PRKAR1B: variants seen among roughly 807,000 people sequenced by gnomAD.
The protein encoded by PRKAR1B is cAMP-dependent protein kinase type I-beta regulatory subunit.
A neutral mutation model predicts 46.5 loss-of-function variants in PRKAR1B; 22 were observed. The observed-to-expected ratio is 0.47, with a 90% CI of 0.34 to 0.68. PRKAR1B has a LOEUF of 0.68. Ranked by LOEUF, PRKAR1B falls within the 30% of genes least tolerant of loss-of-function variation. PRKAR1B has a pLI of 0.01. For missense variants in PRKAR1B, 445 were observed against 535.6 expected (o/e 0.83, Z 1.67); for synonymous variants, 259 against 217.7 (o/e 1.19, Z -1.67).
At chr7:563,298 C>A (rs1033686093) in intron 9 of PRKAR1B, among the ~76,000 whole-genome samples, 8 of 152,244 alleles carry the variant, frequency 5.3e-5, no homozygotes, top group Non-Finnish European at 1.2e-4. Flanking sequence ...CCACGGGATA[C>A]CCCAGTTTTC....
At chr7:717,726 G>C (rs1205887405) in intron 1 of PRKAR1B, among the ~76,000 whole-genome samples, 1 of 152,090 alleles carries the variant, frequency 6.6e-6, no homozygotes, top group African/African-American at 2.4e-5. Flanking sequence ...ATGTAGGTAA[G>C]GGATGCAAAA....
At chr7:692,072 C>T (rs1219805558) in intron 2 of PRKAR1B, among the ~76,000 whole-genome samples, 1 of 152,200 alleles carries the variant, frequency 6.6e-6, no homozygotes, top group Non-Finnish European at 1.5e-5. Flanking sequence ...CATCGTCATC[C>T]ACTGCTCCTA....
chr7:587,968 T>G (rs542226891), intron 7 of PRKAR1B, among the ~76,000 whole-genome samples: 1 of 152,236 alleles, frequency 6.6e-6, no homozygotes, highest in Non-Finnish European at 1.5e-5. Context: ...CAGTGACTTG[T>G]GTGGGGCTCA....
chr7:622,325 C>T (rs1203459983), intron 4 of PRKAR1B, among the ~76,000 whole-genome samples: 2 of 152,234 alleles, frequency 1.3e-5, no homozygotes, highest in Non-Finnish European at 1.5e-5. Flanking sequence ...CAAGGACCCC[C>T]GCGCCACACA....
intron 6 of PRKAR1B, among the ~76,000 whole-genome samples, chr7:605,387 G>A (rs1781963259): frequency 6.6e-6 from 1 of 152,232 alleles, no homozygotes; most frequent in Non-Finnish European, 1.5e-5. Flanking sequence ...AGCGGGGGAT[G>A]AGGGGGCCTC....
At chr7:612,191 G>C (rs550709734) in intron 4 of PRKAR1B, among the ~76,000 whole-genome samples, 15 of 145,852 alleles carry the variant, frequency 1.0e-4, no homozygotes, top group African/African-American at 3.8e-4. Flanking sequence ...TGTACAGGTG[G>C]GTGAGTAGAT....
intron 3 of PRKAR1B, among the ~76,000 whole-genome samples, chr7:678,045 C>T (rs541545447): frequency 1.3e-3 from 198 of 152,232 alleles, no homozygotes; most frequent in African/African-American, 4.4e-3. Flanking sequence ...CCGAGGCAGG[C>T]GGATCGCCTG....
intron 9 of PRKAR1B, among the ~76,000 whole-genome samples, chr7:553,930 C>T (rs1037569703): frequency 1.3e-5 from 2 of 152,268 alleles, no homozygotes; most frequent in African/African-American, 2.4e-5. Context: ...AACAACAGAC[C>T]GGGCGGCTGA....
At position 556,264 on chromosome 7, in the gene PRKAR1B, C is replaced by T. The variant is rs184906772; in HGVS notation, c.892-4794G>A. Reference sequence around the variant, plus strand: ...ACGTGCCAGGCACCGTTTTAGGCCACGGAGGAAACTTCTGGAAACCGACCC... The same window carrying T: ...ACGTGCCAGGCACCGTTTTAGGCCATGGAGGAAACTTCTGGAAACCGACCC... On this transcript the variant is annotated intron_variant, in intron 9 of 10. Coordinates refer to ENST00000537384, the MANE Select transcript of PRKAR1B (RefSeq NM_001164760.2). Among the ~76,000 whole-genome samples, 6 of 152,090 alleles carry T rather than the reference C, an allele frequency of 3.9e-5. No homozygotes were observed. The South Asian group carries it at 1.0e-3, about 26-fold the overall frequency.
intron 4 of PRKAR1B, among the ~76,000 whole-genome samples, chr7:616,586 G>A (rs934815730): frequency 2.0e-5 from 3 of 152,326 alleles, no homozygotes; most frequent in Admixed American, 2.0e-4. Context: ...GTTCTGCTGT[G>A]GCAGCCATCG....
rs111864393 is a variant in PRKAR1B, at chr7:638,340, A to G, written c.441-30888T>C. Among the ~76,000 whole-genome samples the G allele has an allele frequency of 3.0e-3, 454 of 152,306 alleles. 3 individuals carry two copies. Among genetic ancestry groups the G allele is most frequent in the African/African-American group, 0.01 (425 of 41,580 alleles). ...CTGAAGTTGGTGGTGAACACACCTC[A>G]CATAATTAAAAACCAGTCTGGAGAG... On this transcript the variant is annotated intron_variant, in intron 4 of 10. Transcript: ENST00000537384.
At chr7:678,444 T>C (rs1474486553) in intron 3 of PRKAR1B, among the ~76,000 whole-genome samples, 2 of 152,182 alleles carry the variant, frequency 1.3e-5, no homozygotes, top group African/African-American at 4.8e-5. Context: ...CGTGCAAAGA[T>C]CTCAAAACCC....
chr7:597,125 C>T (rs150915912), intron 6 of PRKAR1B, among the ~76,000 whole-genome samples: 6 of 152,372 alleles, frequency 3.9e-5, no homozygotes, highest in East Asian at 3.9e-4. Flanking sequence ...ACACAATACA[C>T]GCTTTATCCC....
At chr7:633,819 C>A (rs1243331237) in intron 4 of PRKAR1B, among the ~76,000 whole-genome samples, 7 of 152,096 alleles carry the variant, frequency 4.6e-5, no homozygotes, top group Admixed American at 3.9e-4. Flanking sequence ...GCCTTCCCAG[C>A]AAAAGTAAGG....
chr7:639,671 G>T (rs997761840), intron 4 of PRKAR1B, among the ~76,000 whole-genome samples: 23 of 152,066 alleles, frequency 1.5e-4, no homozygotes, highest in Admixed American at 3.9e-4. Context: ...GCAACAGAGT[G>T]GGACCCCATC....
Position 592,452 on chromosome 7 carries a change from G to A in PRKAR1B, c.708+3694C>T, listed in dbSNP as rs757817304. ...CCCACTGGCTGTGCCGAGTCACTCC[G>A]GACATCGGTCCCTTCCCGGCTCCAC... On this transcript the variant is annotated intron_variant, in intron 7 of 10. Transcript: ENST00000537384. Among the ~76,000 whole-genome samples the A allele has an allele frequency of 7.9e-5, 12 of 151,430 alleles. No homozygotes were observed. The South Asian group carries it at 1.7e-3, about 21-fold the overall frequency.
intron 2 of PRKAR1B, among the ~76,000 whole-genome samples, chr7:701,268 AAAAG>A (rs546452344): frequency 1.0e-3 from 115 of 111,738 alleles, no homozygotes; most frequent in Middle Eastern, 4.5e-3. Flanking sequence ...AAAGAAGGAA[AAAAG>A]AAAGAAAGAA....
chr7:634,101 C>A (rs951891043), intron 4 of PRKAR1B, among the ~76,000 whole-genome samples: 1 of 152,212 alleles, frequency 6.6e-6, no homozygotes, highest in Non-Finnish European at 1.5e-5. Flanking sequence ...CAGCTCACTG[C>A]AACCTCTGCC....
rs144134809 is a variant in PRKAR1B, at chr7:600,283, T to C, written c.550-3979A>G. On this transcript the variant is annotated intron_variant, in intron 6 of 10. Coordinates refer to ENST00000537384, the MANE Select transcript of PRKAR1B (RefSeq NM_001164760.2). The stretch of plus-strand genomic sequence containing the variant: ...ACTTTGGGAAGCCCAGGCGGGAGGA[T>C]TGCTTGAAGCCAGGAGTCTGAGACC... 8.5e-3 allele frequency among the ~76,000 whole-genome samples: 1,296 copies of C among 152,186 alleles called. 16 individuals are homozygous for C. Among genetic ancestry groups the C allele is most frequent in the African/African-American group, 0.027 (1,138 of 41,532 alleles).
Sources: allele counts gnomAD v4.1 joint callset (sites outside exome capture counted in the v4.1 genomes callset), GRCh38; gene constraint gnomAD v4.1.1; transcripts MANE v1.5; gene names NCBI Gene and HGNC (gene_info 2026-07-23, HGNC 2026-07-21).